SUMO3: variants seen among roughly 807,000 people sequenced by gnomAD.
The protein encoded by SUMO3 is small ubiquitin-related modifier 3.
Under a neutral mutation model 11.1 loss-of-function variants are expected in SUMO3, and 2 were observed. That is an observed-to-expected ratio of 0.18 (90% CI 0.07 to 0.57). The LOEUF is 0.57. Ranked by LOEUF, SUMO3 falls within the 20% of genes least tolerant of loss-of-function variation. The pLI is 0.92. For synonymous variants in SUMO3, 56 were observed against 53.5 expected, an observed-to-expected ratio of 1.05 and a Z score of -0.20; for missense variants, 70 against 132.8, an observed-to-expected ratio of 0.53 and a Z score of 2.32.
rs1263839540 is a variant in SUMO3, at chr21:44,805,688, AAC to A, written c.*1261_*1262del. 1 of 152,634 alleles carries A rather than the reference AAC, an allele frequency of 6.6e-6. No homozygotes were observed. Among genetic ancestry groups the A allele is most frequent in the Non-Finnish European group, 1.5e-5 (1 of 68,056 alleles). The allele number at this position is 152,634 out of a possible 1,614,324, so 9.5% of individuals were successfully genotyped here. A position where few individuals can be genotyped will look rare whatever the true frequency, so the allele number is the denominator to read the frequency against. On this transcript the variant is annotated 3_prime_UTR_variant, in exon 4 of 4. Transcript: ENST00000332859. ...CAAATAATGTACAAATTGGTGAATA[AAC>A]ACAACAGAGCCAACAAACATCCCAC...
chr21:44,817,600 T>TG (rs1390433029), intron 1 of SUMO3, among the ~76,000 whole-genome samples: 3 of 151,254 alleles, frequency 2.0e-5, no homozygotes, highest in African/African-American at 7.3e-5. Flanking sequence ...GGGACACTGC[T>TG]GGGGCGGGAT....
In SUMO3 at chr21:44,806,584, G is replaced by T. The variant is rs997020810; in HGVS notation, c.*367C>A. 3.6e-6 allele frequency: 1 copy of T among 278,960 alleles called. No homozygotes were observed. The highest frequency in any genetic ancestry group is 7.0e-6 in the Non-Finnish European group (1 of 142,968). The allele number at this position is 278,960 out of a possible 1,614,324, so 17.3% of individuals were successfully genotyped here. ...TCTCTATGTGACTGGAGTGAGCAGG[G>T]GAGAGGCAACCAACTCAGGAGTCAG... On this transcript the variant is annotated 3_prime_UTR_variant, in exon 4 of 4. Coordinates refer to ENST00000332859, the MANE Select transcript of SUMO3 (RefSeq NM_006936.3).
intron 1 of SUMO3, among the ~76,000 whole-genome samples, chr21:44,816,818 T>G (rs1398902476): frequency 1.2e-5 from 1 of 86,502 alleles, no homozygotes; most frequent in Non-Finnish European, 2.3e-5. Flanking sequence ...TGGGCGCGCA[T>G]GGTGGGGGAG....
At chr21:44,817,603 G>A (rs7283053) in intron 1 of SUMO3, among the ~76,000 whole-genome samples, 1,524 of 151,836 alleles carry the variant, frequency 0.01, 30 homozygotes, top group African/African-American at 0.035. Context: ...ACACTGCTGG[G>A]GCGGGATCCG....
chr21:44,813,465 T>A, intron 2 of SUMO3: 1 of 231,630 alleles, frequency 4.3e-6, no homozygotes, highest in South Asian at 7.9e-5. Context: ...CTCATTATCC[T>A]GAAACTGGGG....
Position 44,818,035 on chromosome 21 carries a change from G to A in SUMO3, c.-67C>T, listed in dbSNP as rs1403971706. The A allele has an allele frequency of 7.9e-6, 9 of 1,144,394 alleles. No homozygotes were observed. Among genetic ancestry groups the A allele is most frequent in the Middle Eastern group, 3.5e-4 (1 of 2,842 alleles). The allele number at this position is 1,144,394 out of a possible 1,614,324, so 70.9% of individuals were successfully genotyped here. A position where few individuals can be genotyped will look rare whatever the true frequency, so the allele number is the denominator to read the frequency against. On this transcript the variant is annotated 5_prime_UTR_variant, in exon 1 of 4. Transcript: ENST00000332859. ...CGCGGAGCGGGCGAGTCACGCTCTC[G>A]GCCCCGCCGCTCTCCCGCCGCAACT...
rs2083204940 is a variant in SUMO3 at position 44,810,745 on chromosome 21, C to T, written c.151-1627G>A. Among the ~76,000 whole-genome samples the T allele has an allele frequency of 6.6e-6, 1 of 152,152 alleles. No homozygotes were observed. The highest frequency in any genetic ancestry group is 2.1e-4 in the South Asian group (1 of 4,814). ...CCCTGGCAGCACAGCCATCCATGTA[C>T]ACAGCTTTTCAGCAGCTTCTCGGTG... is the stretch of plus-strand genomic sequence containing the variant. On this transcript the variant is annotated intron_variant, in intron 2 of 3. Transcript: ENST00000332859. The surrounding 1 kb of genome is among the most constrained non-coding windows in gnomAD (Gnocchi z 4.1).
At chr21:44,817,361 G>A (rs895660279) in intron 1 of SUMO3, among the ~76,000 whole-genome samples, 1 of 152,006 alleles carries the variant, frequency 6.6e-6, no homozygotes. Flanking sequence ...GGGACACGAT[G>A]CGGAGAAGTG....
In SUMO3 at chr21:44,811,238, T is replaced by C. The variant is rs1449207559; in HGVS notation, c.151-2120A>G. Among the ~76,000 whole-genome samples the C allele has an allele frequency of 6.6e-6, 1 of 151,912 alleles. No individual in the cohort carries two copies. The highest frequency in any genetic ancestry group is 2.4e-5 in the African/African-American group (1 of 41,334). ...ACACACCTACACTCACGATTCAAAT[T>C]CTATGGGAAGTAAAAAATACTACTA... is the stretch of plus-strand genomic sequence containing the variant. On this transcript the variant is annotated intron_variant, in intron 2 of 3. Transcript: ENST00000332859. This position sits in a 1 kb window ranked among gnomAD's most constrained non-coding sequence, Gnocchi z 5.0.
In SUMO3 at chr21:44,811,100, A is replaced by G. The variant is rs1385679611; in HGVS notation, c.151-1982T>C. 6.7e-6 allele frequency among the ~76,000 whole-genome samples: 1 copy of G among 149,032 alleles called. No homozygotes were observed. The highest frequency in any genetic ancestry group is 2.5e-5 in the African/African-American group (1 of 39,726). ...AATGCACACATGCACACACCCACAT[A>G]CACACACATGCACACACCCACATAT... On this transcript the variant is annotated intron_variant, in intron 2 of 3. Coordinates refer to ENST00000332859, the MANE Select transcript of SUMO3 (RefSeq NM_006936.3). This position sits in a 1 kb window ranked among gnomAD's most constrained non-coding sequence, Gnocchi z 5.0.
chr21:44,814,079 T>G lies in SUMO3; in HGVS notation c.47A>C (p.His16Pro). 6.2e-7 allele frequency: 1 copy of G among 1,613,998 alleles called. No individual in the cohort carries two copies. Among genetic ancestry groups the G allele is most frequent in the Non-Finnish European group, 8.5e-7 (1 of 1,180,018 alleles). Residue 16 changes from histidine to proline, a missense_variant, in exon 2 of 4, where the codon CAC (histidine) becomes CCC (proline). Physicochemically the swap from His to Pro is moderately conservative, Grantham distance 77. Coordinates refer to ENST00000332859, the MANE Select transcript of SUMO3 (RefSeq NM_006936.3). ...PKEGVKTEND[H>P]INLKVAGQDG... ...CTGCCCGGCCACCTTCAGGTTGATG[T>G]GGTCATTCTCTGTCTTCACACCCTC...
At chr21:44,808,606 T>A (rs760183238) in intron 3 of SUMO3, 6 of 1,370,828 alleles carry the variant, frequency 4.4e-6, no homozygotes, top group East Asian at 2.8e-5. Context: ...CATGTCTGCA[T>A]GTGCCTGAGA....
chr21:44,808,298 G>A (rs1266717619), intron 3 of SUMO3: 5 of 322,824 alleles, frequency 1.5e-5, no homozygotes, highest in African/African-American at 8.7e-5. Context: ...AGATCACAAG[G>A]TCAGGAGATC....
Position 44,811,660 on chromosome 21 carries a change from A to G in SUMO3, c.150+2316T>C, listed in dbSNP as rs1601214742. Among the ~76,000 whole-genome samples, 1 of 152,180 alleles carries G rather than the reference A, an allele frequency of 6.6e-6. No individual in the cohort carries two copies. The highest frequency in any genetic ancestry group is 2.4e-5 in the African/African-American group (1 of 41,440). Reference sequence around the variant, plus strand: ...TTGGAAATTAAAAATCATGACAGAGATGAGAATGTCCACAGGAAGTGGAAA... The same window carrying G: ...TTGGAAATTAAAAATCATGACAGAGGTGAGAATGTCCACAGGAAGTGGAAA... On this transcript the variant is annotated intron_variant, in intron 2 of 3. Transcript: ENST00000332859. This position sits in a 1 kb window ranked among gnomAD's most constrained non-coding sequence, Gnocchi z 5.0.
At position 44,806,984 on chromosome 21, in the gene SUMO3, C is replaced by T; in HGVS notation, c.279G>A (p.Val93=). The change falls in exon 4 of 4, where the codon GTG becomes GTA. Residue 93 remains valine (V), a synonymous_variant. Transcript: ENST00000332859. ...TGTGCCCTGCCAGGCTGCTCTCCGG[C>T]ACACCTCCCGTCTGCTGCTGGAACA... ...IDVFQQQTGG[V]PESSLAGHSF 2 of 1,614,142 alleles carry T rather than the reference C, an allele frequency of 1.2e-6. No homozygotes were observed. Among genetic ancestry groups the T allele is most frequent in the Non-Finnish European group, 1.7e-6 (2 of 1,180,032 alleles).
Position 44,807,111 on chromosome 21 carries a change from G to T in SUMO3, c.223-71C>A. ...GTTAGTTTTCATCAGAGAGTGGGAAGATCCTCACTGGCATGAGTGTTCCCT... is the reference window on the plus strand; with the variant it reads ...GTTAGTTTTCATCAGAGAGTGGGAATATCCTCACTGGCATGAGTGTTCCCT... On this transcript the variant is annotated intron_variant, in intron 3 of 3. Coordinates refer to ENST00000332859, the MANE Select transcript of SUMO3 (RefSeq NM_006936.3). The surrounding 1 kb of genome is among the most constrained non-coding windows in gnomAD (Gnocchi z 4.3). 6.4e-7 allele frequency: 1 copy of T among 1,564,772 alleles called. No individual in the cohort carries two copies.
chr21:44,810,129 A>G lies in SUMO3; in HGVS notation c.151-1011T>C, dbSNP rs1390836866. Among the ~76,000 whole-genome samples the G allele has an allele frequency of 6.6e-6, 1 of 152,166 alleles. No individual in the cohort carries two copies. The highest frequency in any genetic ancestry group is 1.5e-5 in the Non-Finnish European group (1 of 68,020). On this transcript the variant is annotated intron_variant, in intron 2 of 3. Transcript: ENST00000332859. This position sits in a 1 kb window ranked among gnomAD's most constrained non-coding sequence, Gnocchi z 4.1. ...GAGAAATGTGGTCAGGGGCAGAAAC[A>G]TTTCCTCAACGAGCAGTTTTGATTT...
chr21:44,817,708 G>T (rs989242554), intron 1 of SUMO3, among the ~76,000 whole-genome samples: 3 of 150,844 alleles, frequency 2.0e-5, no homozygotes, highest in African/African-American at 7.3e-5. Flanking sequence ...GGGAGGAGAC[G>T]GGCGTGGAGC....
At chr21:44,816,164 A>G (rs576623416) in intron 1 of SUMO3, among the ~76,000 whole-genome samples, 5 of 152,376 alleles carry the variant, frequency 3.3e-5, no homozygotes, top group Admixed American at 3.3e-4. Flanking sequence ...GGCAGAGCTA[A>G]GTGTAAATAC....
Sources: gnomAD v4.1 joint callset for allele counts (sites outside exome capture counted in the v4.1 genomes callset) on GRCh38, gnomAD v4.1.1 for gene constraint, Gnocchi (gnomAD v3.1) non-coding constraint, MANE v1.5 for transcripts, NCBI Gene and HGNC (gene_info 2026-07-23, HGNC 2026-07-21) for gene names.